RPS6KA2: variants seen among roughly 807,000 people sequenced by gnomAD.
The protein encoded by RPS6KA2 is ribosomal protein S6 kinase alpha-2.
RPS6KA2 carries 42 observed loss-of-function variants against 91.8 expected under a neutral mutation model. The observed-to-expected ratio is 0.46, with a 90% CI of 0.36 to 0.59. The LOEUF (loss-of-function observed/expected upper bound fraction) is 0.59. RPS6KA2 is among the 20% of genes least tolerant of loss of function. The probability of loss-of-function intolerance (pLI) is 0.00; values close to 1 mark genes in which losing one functional copy is unlikely to be tolerated. For synonymous variants in RPS6KA2, 414 were observed against 393.6 expected, an observed-to-expected ratio of 1.05 and a Z score of -0.61; for missense variants, 798 against 978.5, an observed-to-expected ratio of 0.82 and a Z score of 2.46.
chr6:166,498,453 G>T, intron 8 of RPS6KA2, 55 bp downstream of exon 8: 3 of 1,546,020 alleles, frequency 1.9e-6, no homozygotes, highest in Non-Finnish European at 2.6e-6. Flanking sequence ...CTGGGGACAG[G>T]GGTCCACGTG....
chr6:166,411,602 A>C lies in RPS6KA2; in HGVS notation c.*1160T>G, dbSNP rs1194500159. 6.6e-6 allele frequency: 1 copy of C among 152,566 alleles called. No individual in the cohort carries two copies. The highest frequency in any genetic ancestry group is 1.5e-5 in the Non-Finnish European group (1 of 68,108). The allele number at this position is 152,566 out of a possible 1,614,324, so 9.5% of individuals were successfully genotyped here. On this transcript the variant is annotated 3_prime_UTR_variant, in exon 21 of 21. Coordinates refer to ENST00000265678, the MANE Select transcript of RPS6KA2 (RefSeq NM_021135.6). The surrounding 1 kb of genome is among the most constrained non-coding windows in gnomAD (Gnocchi z 4.5). ...GTGCACACCCAGGGGAATACGGATC[A>C]GTGTGAAAAAACAGATCTGTGCAAC...
At chr6:166,700,035 C>G (rs1789464303) in intron 2 of RPS6KA2, among the ~76,000 whole-genome samples, 1 of 152,214 alleles carries the variant, frequency 6.6e-6, no homozygotes, top group African/African-American at 2.4e-5. Flanking sequence ...CAAGCTAAAG[C>G]TTGCTTTTTG....
At chr6:166,815,067 G>A (rs1319967590) in intron 2 of RPS6KA2, among the ~76,000 whole-genome samples, 2 of 152,276 alleles carry the variant, frequency 1.3e-5, no homozygotes, top group African/African-American at 4.8e-5. Flanking sequence ...TTTTACCCTA[G>A]CACTTGAAAA....
intron 11 of RPS6KA2, among the ~76,000 whole-genome samples, chr6:166,461,499 GGA>G (rs3830733): frequency 0.027 from 3,538 of 129,572 alleles, 116 homozygotes; most frequent in African/African-American, 0.071. Flanking sequence ...GGAGAGAGGT[GGA>G]GAGAGAGAGA....
Position 166,639,700 on chromosome 6 carries a change from C to T in RPS6KA2, c.124-100916G>A, listed in dbSNP as rs985514546. ...CGTGACATCATTCACGCAGTGGCCA[C>T]GGCTGTCCTTCCTGCCCGCTCTGCC... is the stretch of plus-strand genomic sequence containing the variant. On this transcript the variant is annotated intron_variant, in intron 2 of 21. Transcript: ENST00000503859. This position sits in a 1 kb window ranked among gnomAD's most constrained non-coding sequence, Gnocchi z 4.2. Among the ~76,000 whole-genome samples the T allele has an allele frequency of 1.7e-4, 26 of 152,172 alleles. No homozygotes were observed. Among genetic ancestry groups the T allele is most frequent in the African/African-American group, 6.3e-4 (26 of 41,446 alleles).
chr6:166,536,238 T>C (rs6936351), intron 2 of RPS6KA2, among the ~76,000 whole-genome samples: 7,749 of 152,284 alleles, frequency 0.051, 654 homozygotes, highest in African/African-American at 0.18. Context: ...TCACACCAGG[T>C]CTTTGCTCTT....
intron 11 of RPS6KA2, chr6:166,463,113 C>CTT (rs1780384435): frequency 6.6e-6 from 1 of 152,324 alleles, no homozygotes; most frequent in African/African-American, 2.4e-5. Context: ...TTGCTGCAAT[C>CTT]TTAAAGGCCG....
chr6:166,493,629 A>G lies in RPS6KA2; in HGVS notation c.748-2888T>C, dbSNP rs1398582548. ...GCTGCAGACAGGCACAGAGGGGCTC[A>G]AGGAGATGTAGCCAAAGCTCCACCG... On this transcript the variant is annotated intron_variant, in intron 8 of 20. Coordinates refer to ENST00000265678, the MANE Select transcript of RPS6KA2 (RefSeq NM_021135.6). This position sits in a 1 kb window ranked among gnomAD's most constrained non-coding sequence, Gnocchi z 4.7. Among the ~76,000 whole-genome samples the G allele has an allele frequency of 6.6e-6, 1 of 151,882 alleles. No individual in the cohort carries two copies. Among genetic ancestry groups the G allele is most frequent in the African/African-American group, 2.4e-5 (1 of 41,308 alleles).
At chr6:166,587,523 C>T (rs1162177957) in intron 1 of RPS6KA2, among the ~76,000 whole-genome samples, 1 of 152,076 alleles carries the variant, frequency 6.6e-6, no homozygotes, top group African/African-American at 2.4e-5. Context: ...AGAACAGTAC[C>T]TGGCATAGAG....
intron 2 of RPS6KA2, among the ~76,000 whole-genome samples, chr6:166,687,866 A>C (rs906791343): frequency 6.6e-6 from 1 of 152,194 alleles, no homozygotes. Context: ...GGTCCAAAGA[A>C]TGCTTCTAAG....
Position 166,698,361 on chromosome 6 carries a change from C to T in RPS6KA2, c.124-159577G>A, listed in dbSNP as rs550279463. On this transcript the variant is annotated intron_variant, in intron 2 of 21. Transcript: ENST00000503859. Reference sequence around the variant, plus strand: ...TAAAAAACTTCTGTCTGGTGGGAAGCAAGGTCAACCTCTGGAGAGAATGCT... The same window carrying T: ...TAAAAAACTTCTGTCTGGTGGGAAGTAAGGTCAACCTCTGGAGAGAATGCT... Among the ~76,000 whole-genome samples, 351 of 152,234 alleles carry T rather than the reference C, an allele frequency of 2.3e-3. 1 individual carries two copies. The highest frequency in any genetic ancestry group is 8.0e-3 in the African/African-American group (331 of 41,514).
At chr6:166,497,177 G>A (rs969348274) in intron 8 of RPS6KA2, among the ~76,000 whole-genome samples, 5 of 152,258 alleles carry the variant, frequency 3.3e-5, no homozygotes, top group Non-Finnish European at 7.3e-5. Flanking sequence ...CGCATGGAGA[G>A]GACCTGCTCC....
chr6:166,566,911 A>G (rs995612486), intron 1 of RPS6KA2, among the ~76,000 whole-genome samples: 1 of 152,252 alleles, frequency 6.6e-6, no homozygotes, highest in African/African-American at 2.4e-5. Context: ...CAGAAAGCAG[A>G]GCTGGCAACA....
At chr6:166,486,289 AAC>A (rs1028428513) in intron 10 of RPS6KA2, among the ~76,000 whole-genome samples, 8 of 149,138 alleles carry the variant, frequency 5.4e-5, no homozygotes, top group Non-Finnish European at 8.9e-5. Flanking sequence ...CACACGCATG[AAC>A]ACACACACAC....
chr6:166,811,426 A>G (rs1386471136), intron 2 of RPS6KA2, among the ~76,000 whole-genome samples: 1 of 152,202 alleles, frequency 6.6e-6, no homozygotes, highest in Non-Finnish European at 1.5e-5. Context: ...AAACCTAACT[A>G]CATGCCTGGG....
chr6:166,511,404 T>C (rs905078676), intron 3 of RPS6KA2, among the ~76,000 whole-genome samples: 1 of 152,214 alleles, frequency 6.6e-6, no homozygotes, highest in African/African-American at 2.4e-5. Context: ...CCATGGACCA[T>C]GTACTTTCTG....
intron 14 of RPS6KA2, among the ~76,000 whole-genome samples, chr6:166,443,253 G>A (rs549718754): frequency 1.4e-4 from 21 of 152,270 alleles, no homozygotes; most frequent in African/African-American, 2.4e-4. Context: ...AAGATGGATC[G>A]TCTGTCTGAA....
At position 166,490,065 on chromosome 6, in the gene RPS6KA2, A is replaced by C. The variant is rs745760898; in HGVS notation, c.818+606T>G. On this transcript the variant is annotated intron_variant, in intron 9 of 20. Transcript: ENST00000265678. This position sits in a 1 kb window ranked among gnomAD's most constrained non-coding sequence, Gnocchi z 4.2. ...GATGCTATGGCAAGGTGGTATGGGG[A>C]TCAGGCTTCTTCCTACAGTCCAAGA... Among the ~76,000 whole-genome samples the C allele has an allele frequency of 6.6e-5, 10 of 152,070 alleles. No homozygotes were observed. Among genetic ancestry groups the C allele is most frequent in the Non-Finnish European group, 1.2e-4 (8 of 68,040 alleles).
intron 2 of RPS6KA2, among the ~76,000 whole-genome samples, chr6:166,663,129 AAT>A (rs1039343184): frequency 6.6e-6 from 1 of 152,148 alleles, no homozygotes; most frequent in African/African-American, 2.4e-5. Context: ...TGAGCAGACT[AAT>A]ATGTTAACAG....
Sources: gnomAD v4.1 joint callset for allele counts (sites outside exome capture counted in the v4.1 genomes callset) on GRCh38, gnomAD v4.1.1 for gene constraint, Gnocchi (gnomAD v3.1) non-coding constraint, MANE v1.5 for transcripts, NCBI Gene and HGNC (gene_info 2026-07-23, HGNC 2026-07-21) for gene names.